The following PTPRD variants were observed in gnomAD, a reference collection of about 807,000 sequenced individuals.
The protein encoded by PTPRD is receptor-type tyrosine-protein phosphatase delta.
In PTPRD, 34 loss-of-function variants were observed where a neutral mutation model predicts 214.5. That is an observed-to-expected ratio of 0.16 (90% CI 0.12 to 0.21). The LOEUF is 0.21. Ranked by LOEUF, PTPRD falls within the 10% of genes least tolerant of loss-of-function variation. The pLI is 1.00. For synonymous variants in PTPRD, 1,128 were observed against 845.7 expected, an observed-to-expected ratio of 1.33 and a Z score of -5.79; for missense variants, 2,545 against 2,398.7, an observed-to-expected ratio of 1.06 and a Z score of -1.27.
rs117798092 is a variant in PTPRD, at chr9:9,178,829, C to A, written c.-143+4475G>T. ...CTCTCAAGCAGAAATGCTCTGGGAA[C>A]ATCCTGCTGAGCTTTCTTCTTCTGG... is the stretch of plus-strand genomic sequence containing the variant. On this transcript the variant is annotated intron_variant, in intron 10 of 45. Coordinates refer to ENST00000381196, the MANE Select transcript of PTPRD (RefSeq NM_002839.4). 8.7e-4 allele frequency among the ~76,000 whole-genome samples: 133 copies of A among 152,184 alleles called. No individual in the cohort carries two copies. In the East Asian group the frequency reaches 0.024, roughly 27 times the overall value.
At chr9:9,542,003 G>A (rs2077691923) in intron 8 of PTPRD, among the ~76,000 whole-genome samples, 1 of 151,348 alleles carries the variant, frequency 6.6e-6, no homozygotes, top group Admixed American at 6.6e-5. Flanking sequence ...TAAGAGGAGA[G>A]GTCAACAAAA....
intron 2 of PTPRD, among the ~76,000 whole-genome samples, chr9:10,412,039 T>G (rs966312125): frequency 6.6e-6 from 1 of 151,798 alleles, no homozygotes; most frequent in Non-Finnish European, 1.5e-5. Context: ...ACTTTTTTGA[T>G]GTTTTAATGC....
intron 9 of PTPRD, among the ~76,000 whole-genome samples, chr9:9,208,463 G>A (rs1039083775): frequency 6.6e-6 from 1 of 151,766 alleles, no homozygotes; most frequent in South Asian, 2.1e-4. Context: ...CATATGGAGG[G>A]GATAAGATAA....
At chr9:10,084,189 A>C (rs1244987210) in intron 3 of PTPRD, among the ~76,000 whole-genome samples, 1 of 152,042 alleles carries the variant, frequency 6.6e-6, no homozygotes, top group East Asian at 1.9e-4. Context: ...TTTGTTAGAA[A>C]AAATGATGAG....
intron 3 of PTPRD, among the ~76,000 whole-genome samples, chr9:10,089,023 C>G (rs2098396230): frequency 6.6e-6 from 1 of 151,314 alleles, no homozygotes; most frequent in Non-Finnish European, 1.5e-5. Flanking sequence ...TTGAACCCAT[C>G]AGAGACAAGA....
At chr9:9,461,658 G>T (rs2093665982) in intron 8 of PTPRD, among the ~76,000 whole-genome samples, 1 of 152,076 alleles carries the variant, frequency 6.6e-6, no homozygotes, top group Non-Finnish European at 1.5e-5. Flanking sequence ...CTACAAAATT[G>T]TAAGTCTGCA....
At position 10,167,000 on chromosome 9, in the gene PTPRD, T is replaced by C. The variant is rs1366681967; in HGVS notation, c.-544-133210A>G. 2.6e-5 allele frequency among the ~76,000 whole-genome samples: 4 copies of C among 152,272 alleles called. No individual in the cohort carries two copies. In the East Asian group the frequency reaches 7.7e-4, roughly 29 times the overall value. ...TTTGAACTATTTATGGAATTGATGG[T>C]TAAAACAAAGTATTCACTTTCAGAA... is the stretch of plus-strand genomic sequence containing the variant. On this transcript the variant is annotated intron_variant, in intron 3 of 45. Transcript: ENST00000381196.
chr9:10,116,708 T>C (rs1022863529), intron 3 of PTPRD, among the ~76,000 whole-genome samples: 1 of 152,128 alleles, frequency 6.6e-6, no homozygotes, highest in African/African-American at 2.4e-5. Flanking sequence ...GTCATGTCAC[T>C]GCACTCCTGA....
chr9:9,183,955 C>A (rs904179658), intron 9 of PTPRD, among the ~76,000 whole-genome samples: 9 of 152,150 alleles, frequency 5.9e-5, no homozygotes, highest in Admixed American at 5.9e-4. Flanking sequence ...TATAAAAAGG[C>A]ACAATGTCTT....
intron 10 of PTPRD, among the ~76,000 whole-genome samples, chr9:9,046,104 A>AC (rs1205260765): frequency 6.6e-6 from 1 of 152,192 alleles, no homozygotes; most frequent in African/African-American, 2.4e-5. Context: ...AAATGTCAGA[A>AC]ACTTTATTAT....
chr9:10,565,004 C>T (rs2065174969), intron 2 of PTPRD, among the ~76,000 whole-genome samples: 1 of 152,002 alleles, frequency 6.6e-6, no homozygotes, highest in African/African-American at 2.4e-5. Flanking sequence ...ACTTTCTAGG[C>T]CTCTAATTTT....
intron 14 of PTPRD, among the ~76,000 whole-genome samples, chr9:8,610,979 G>C (rs2095426014): frequency 6.6e-6 from 1 of 151,946 alleles, no homozygotes; most frequent in Non-Finnish European, 1.5e-5. Context: ...AACCATTATG[G>C]TTTTATATTT....
chr9:8,779,938 G>A lies in PTPRD; in HGVS notation c.-103-45992C>T, dbSNP rs191652729. ...GATTTTGATTAGCAGTGGTAACCAG[G>A]TGAACTGAATAATTACTGTTACTAA... On this transcript the variant is annotated intron_variant, in intron 11 of 45. Coordinates refer to ENST00000381196, the MANE Select transcript of PTPRD (RefSeq NM_002839.4). Among the ~76,000 whole-genome samples, 320 of 151,954 alleles carry A rather than the reference G, an allele frequency of 2.1e-3. 2 individuals are homozygous for A. The highest frequency in any genetic ancestry group is 3.6e-3 in the Non-Finnish European group (245 of 68,004).
intron 5 of PTPRD, among the ~76,000 whole-genome samples, chr9:9,785,374 T>C (rs1419370971): frequency 6.6e-6 from 1 of 152,074 alleles, no homozygotes; most frequent in Non-Finnish European, 1.5e-5. Flanking sequence ...TGGAAAAACC[T>C]AGTACATGCT....
intron 2 of PTPRD, among the ~76,000 whole-genome samples, chr9:10,566,813 G>C (rs566909588): frequency 6.6e-6 from 1 of 151,918 alleles, no homozygotes; most frequent in South Asian, 2.1e-4. Context: ...AACTTCTTTA[G>C]GTATCTTCCA....
intron 5 of PTPRD, among the ~76,000 whole-genome samples, chr9:9,935,209 T>A (rs11560548): frequency 6.6e-6 from 1 of 151,584 alleles, no homozygotes; most frequent in Non-Finnish European, 1.5e-5. Context: ...AACATAGTGT[T>A]GGAAGTTCTG....
chr9:9,664,890 A>C (rs1486957659), intron 7 of PTPRD, among the ~76,000 whole-genome samples: 1 of 151,742 alleles, frequency 6.6e-6, no homozygotes, highest in East Asian at 1.9e-4. Context: ...AGAGCTATGC[A>C]AGCACAAAAG....
At chr9:9,172,934 T>C (rs1165657879) in intron 10 of PTPRD, among the ~76,000 whole-genome samples, 3 of 152,276 alleles carry the variant, frequency 2.0e-5, no homozygotes, top group African/African-American at 4.8e-5. Flanking sequence ...AAATATTCAG[T>C]GAAAGATCAT....
intron 10 of PTPRD, among the ~76,000 whole-genome samples, chr9:9,167,487 G>A (rs534058779): frequency 3.9e-5 from 6 of 152,136 alleles, no homozygotes; most frequent in East Asian, 3.9e-4. Flanking sequence ...GGGCATGGTG[G>A]CTCACAACTG....
Sources: allele counts gnomAD v4.1 joint callset (sites outside exome capture counted in the v4.1 genomes callset), GRCh38; gene constraint gnomAD v4.1.1; transcripts MANE v1.5; gene names NCBI Gene and HGNC (gene_info 2026-07-23, HGNC 2026-07-21).